Variants in ZC3H12A observed in about 807,000 individuals in gnomAD.
The protein encoded by ZC3H12A is zinc finger CCCH-type containing 12A.
In ZC3H12A, 9 loss-of-function variants were observed where a neutral mutation model predicts 29.9. That is an observed-to-expected ratio of 0.30 (90% confidence interval 0.18 to 0.53). The LOEUF (loss-of-function observed/expected upper bound fraction) is 0.53. Among genes scored for constraint, ZC3H12A ranks in the 20% least tolerant of loss-of-function variants. The probability of loss-of-function intolerance (pLI) is 0.96; values close to 1 mark genes in which losing one functional copy is unlikely to be tolerated. For missense variants in ZC3H12A, 617 were observed against 799.0 expected, an observed-to-expected ratio of 0.77 and a Z score of 2.75; for synonymous variants, 323 against 338.1, an observed-to-expected ratio of 0.96 and a Z score of 0.49.
chr1:37,481,468 CAG>C (rs2148045982), intron 3 of ZC3H12A, 131 bp from the exon 4 acceptor site: 4 of 794,678 alleles, frequency 5.0e-6, no homozygotes, highest in Non-Finnish European at 8.2e-6. Context: ...GAGGCCTCAG[CAG>C]AGTTAGTTCT....
chr1:37,483,242 G>A lies in ZC3H12A; in HGVS notation c.1431G>A (p.Glu477=), dbSNP rs1052824343. 1.2e-5 allele frequency: 19 copies of A among 1,613,778 alleles called. No individual in the cohort carries two copies. The highest frequency in any genetic ancestry group is 1.4e-5 in the Non-Finnish European group (17 of 1,179,988). The change falls in exon 6 of 6, where the codon GAG becomes GAA. Residue 477 remains glutamate, a synonymous_variant. Coordinates refer to ENST00000373087, the MANE Select transcript of ZC3H12A (RefSeq NM_025079.3). ...PYTGYSPYGS[E]LPATAAFSAF... is the part of the protein sequence containing the mutation. ...CGGGCTACAGTCCCTATGGATCTGAGCTCCCAGCCACCGCAGCCTTCTCTG... is the reference window on the plus strand; with the variant it reads ...CGGGCTACAGTCCCTATGGATCTGAACTCCCAGCCACCGCAGCCTTCTCTG...
rs1641567080 is a variant in ZC3H12A, at chr1:37,475,562, T to C, written c.66T>C (p.Phe22=). The C allele has an allele frequency of 8.1e-6, 13 of 1,613,744 alleles. No homozygotes were observed. Among genetic ancestry groups the C allele is most frequent in the Non-Finnish European group, 1.1e-5 (13 of 1,179,990 alleles). ...GCCCCACCATGAGTCTGTGGGAATTTGAGGACAGCCACAGCCGTCAGGGCA... is the reference window on the plus strand; with the variant it reads ...GCCCCACCATGAGTCTGTGGGAATTCGAGGACAGCCACAGCCGTCAGGGCA... ...EASPTMSLWE[F]EDSHSRQGTP... Residue 22 remains phenylalanine (F), a synonymous_variant, in exon 2 of 6, where the codon TTT becomes TTC. Transcript: ENST00000373087. This position sits in a 1 kb window ranked among gnomAD's most constrained non-coding sequence, Gnocchi z 5.2.
At chr1:37,481,364 C>A (rs1641698246) in intron 3 of ZC3H12A, among the ~76,000 whole-genome samples, 1 of 152,246 alleles carries the variant, frequency 6.6e-6, no homozygotes, top group African/African-American at 2.4e-5. Flanking sequence ...GTGCTTGGAG[C>A]CTCTGCCATG....
In ZC3H12A at chr1:37,475,445, TGTTG is replaced by T. The variant is rs1477984556; in HGVS notation, c.-38-9_-38-6del. ...GAGCGCTATTCACCGTCCCTAACCC[TGTTG>T]GTTGTTCAGTAGGAGCTGTGGCGCG... On this transcript the variant is annotated splice_polypyrimidine_tract_variant and intron_variant, in intron 1 of 5. Transcript: ENST00000373087. This position sits in a 1 kb window ranked among gnomAD's most constrained non-coding sequence, Gnocchi z 5.2. 4 of 1,545,496 alleles carry T rather than the reference TGTTG, an allele frequency of 2.6e-6. No homozygotes were observed. The African/African-American group carries it at 5.5e-5, about 21-fold the overall frequency.
chr1:37,483,171 C>T lies in ZC3H12A; in HGVS notation c.1360C>T (p.Arg454Ter). 1.2e-6 allele frequency: 2 copies of T among 1,613,438 alleles called. No individual in the cohort carries two copies. Among genetic ancestry groups the T allele is most frequent in the South Asian group, 1.1e-5 (1 of 91,082 alleles). The part of the protein sequence containing the change: ...ESQMSELWGV[R>*]GGGPGEPGPP... ...CCAGATGTCGGAACTTTGGGGGGTT[C>T]GAGGAGGAGGCCCTGGTGAGCCGGG... Residue 454 changes from arginine to a stop codon, truncating the protein, a stop_gained, in exon 6 of 6, where the codon CGA becomes TGA. Coordinates refer to ENST00000373087, the MANE Select transcript of ZC3H12A (RefSeq NM_025079.3). LOFTEE classifies it low-confidence loss of function (END_TRUNC).
intron 4 of ZC3H12A, 135 bp from the exon 5 acceptor site, chr1:37,482,299 G>T: frequency 4.1e-6 from 3 of 730,928 alleles, no homozygotes; most frequent in South Asian, 1.8e-5. Flanking sequence ...GCAGTTTTGC[G>T]GGGTCCTGGA....
chr1:37,475,440 A>T lies in ZC3H12A; in HGVS notation c.-38-19A>T. On this transcript the variant is annotated intron_variant, in intron 1 of 5. Coordinates refer to ENST00000373087, the MANE Select transcript of ZC3H12A (RefSeq NM_025079.3). The surrounding 1 kb of genome is among the most constrained non-coding windows in gnomAD (Gnocchi z 5.2). ...GGAGAGAGCGCTATTCACCGTCCCTAACCCTGTTGGTTGTTCAGTAGGAGC... is the reference window on the plus strand; with the variant it reads ...GGAGAGAGCGCTATTCACCGTCCCTTACCCTGTTGGTTGTTCAGTAGGAGC... 1 of 1,537,596 alleles carries T rather than the reference A, an allele frequency of 6.5e-7. No homozygotes were observed. Among genetic ancestry groups the T allele is most frequent in the Non-Finnish European group, 8.8e-7 (1 of 1,141,572 alleles).
Position 37,475,651 on chromosome 1 carries a change from T to C in ZC3H12A, c.155T>C (p.Val52Ala). The change falls in exon 2 of 6, where the codon GTG becomes GCG. Residue 52 changes from valine (V) to alanine (A), a missense_variant. Coordinates refer to ENST00000373087, the MANE Select transcript of ZC3H12A (RefSeq NM_025079.3). The surrounding 1 kb of genome is among the most constrained non-coding windows in gnomAD (Gnocchi z 5.2). ...EASALELQMK[V>A]DFFRKLGYSS... is the part of the protein sequence containing the mutation. Reference sequence around the variant, plus strand: ...TCGGCCCTGGAACTGCAGATGAAGGTGGACTTCTTCCGGAAGCTGGGCTAT... The same window carrying C: ...TCGGCCCTGGAACTGCAGATGAAGGCGGACTTCTTCCGGAAGCTGGGCTAT... 1 of 1,614,070 alleles carries C rather than the reference T, an allele frequency of 6.2e-7. No individual in the cohort carries two copies. The highest frequency in any genetic ancestry group is 8.5e-7 in the Non-Finnish European group (1 of 1,180,026).
chr1:37,481,821 C>T lies in ZC3H12A; in HGVS notation c.804C>T (p.Ser268=), dbSNP rs778809522. 8.2e-5 allele frequency: 132 copies of T among 1,613,822 alleles called. No individual in the cohort carries two copies. The highest frequency in any genetic ancestry group is 1.0e-4 in the Non-Finnish European group (123 of 1,179,926). ...TCGAGGAGCGGCTGCTCATGTACTC[C>T]TTCGTCAATGACAAGTATGTTCCCT... The part of the protein sequence containing the change: ...RFIEERLLMY[S]FVNDKFMPPD... The change falls in exon 4 of 6, where the codon TCC becomes TCT. Residue 268 remains serine, a synonymous_variant. Transcript: ENST00000373087.
chr1:37,483,645 C>T lies in ZC3H12A; in HGVS notation c.*34C>T, dbSNP rs774167500. 18 of 1,540,962 alleles carry T rather than the reference C, an allele frequency of 1.2e-5. No homozygotes were observed. The highest frequency in any genetic ancestry group is 2.0e-5 in the Admixed American group (1 of 51,090). On this transcript the variant is annotated 3_prime_UTR_variant, in exon 6 of 6. Coordinates refer to ENST00000373087, the MANE Select transcript of ZC3H12A (RefSeq NM_025079.3). Reference sequence around the variant, plus strand: ...TGGCTGGCAAGGGCAGCACCCCCAGCCTCCAAGGGCCGTCAGGCTGGGCTT... The same window carrying T: ...TGGCTGGCAAGGGCAGCACCCCCAGTCTCCAAGGGCCGTCAGGCTGGGCTT...
At position 37,481,689 on chromosome 1, in the gene ZC3H12A, T is replaced by C. The variant is rs1482784344; in HGVS notation, c.672T>C (p.Tyr224=). Residue 224 remains tyrosine, a synonymous_variant, in exon 4 of 6, where the codon TAT becomes TAC. Transcript: ENST00000373087. ...RRVGGKRVVC[Y]DDRFIVKLAY... ...TGGGTGGCAAGCGGGTGGTGTGCTA[T>C]GACGACAGATTCATTGTGAAGCTGG... 4 of 1,614,230 alleles carry C rather than the reference T, an allele frequency of 2.5e-6. No homozygotes were observed. The highest frequency in any genetic ancestry group is 1.3e-5 in the African/African-American group (1 of 75,064).
intron 4 of ZC3H12A, 109 bp downstream of exon 4, chr1:37,481,944 A>G: frequency 8.6e-7 from 1 of 1,160,020 alleles, no homozygotes. Context: ...CCCTGTGGCC[A>G]TGGGAGGTTG....
In ZC3H12A at chr1:37,474,592, C is replaced by T. The variant is rs1641538766; in HGVS notation, c.-76C>T. 6.6e-6 allele frequency: 1 copy of T among 152,040 alleles called. No homozygotes were observed. Among genetic ancestry groups the T allele is most frequent in the Non-Finnish European group, 1.5e-5 (1 of 68,024 alleles). 9.4% of individuals were successfully genotyped at this position (152,040 alleles called of 1,614,324 possible). A position where few individuals can be genotyped will look rare whatever the true frequency, so the allele number is the denominator to read the frequency against. On this transcript the variant is annotated 5_prime_UTR_variant, in exon 1 of 6. Transcript: ENST00000373087. The stretch of plus-strand genomic sequence containing the variant: ...CGTCCTTACCCCCAGGACTCGGCCC[C>T]ATGGAGACGCCGCCGGCCGCCGCTG...
chr1:37,483,709 C>G lies in ZC3H12A; in HGVS notation c.*98C>G. 7.2e-7 allele frequency: 1 copy of G among 1,395,090 alleles called. No individual in the cohort carries two copies. Among genetic ancestry groups the G allele is most frequent in the Non-Finnish European group, 9.5e-7 (1 of 1,053,472 alleles). The allele number at this position is 1,395,090 out of a possible 1,614,324, so 86.4% of individuals were successfully genotyped here. A position where few individuals can be genotyped will look rare whatever the true frequency, so the allele number is the denominator to read the frequency against. ...AGCCCATTCCCAGCCCTGAGGCCCACCCCAGAGGCTGGACAGAGGGAGGAT... is the reference window on the plus strand; with the variant it reads ...AGCCCATTCCCAGCCCTGAGGCCCAGCCCAGAGGCTGGACAGAGGGAGGAT... On this transcript the variant is annotated 3_prime_UTR_variant, in exon 6 of 6. Coordinates refer to ENST00000373087, the MANE Select transcript of ZC3H12A (RefSeq NM_025079.3).
chr1:37,477,864 G>A (rs1486352575), intron 2 of ZC3H12A, among the ~76,000 whole-genome samples: 2 of 152,190 alleles, frequency 1.3e-5, no homozygotes. Flanking sequence ...CCAGGAGGAG[G>A]GCTCTGATAG....
chr1:37,481,394 T>C (rs1444321242), intron 3 of ZC3H12A, among the ~76,000 whole-genome samples: 1 of 151,658 alleles, frequency 6.6e-6, no homozygotes, highest in African/African-American at 2.4e-5. Context: ...CCGCCTGTGT[T>C]CAGATGTTCT....
rs919607967 is a variant in ZC3H12A at position 37,476,371 on chromosome 1, G to A, written c.443+432G>A. On this transcript the variant is annotated intron_variant, in intron 2 of 5. Coordinates refer to ENST00000373087, the MANE Select transcript of ZC3H12A (RefSeq NM_025079.3). The surrounding 1 kb of genome is among the most constrained non-coding windows in gnomAD (Gnocchi z 6.0). ...GGAACCATAGTAGTGGTAGTAGGCA[G>A]TGGTAGTAGCAGTTGTTGTTGTTAT... Among the ~76,000 whole-genome samples the A allele has an allele frequency of 1.3e-5, 2 of 152,348 alleles. No individual in the cohort carries two copies. The highest frequency in any genetic ancestry group is 3.4e-3 in the Middle Eastern group (1 of 294).
At position 37,475,535 on chromosome 1, in the gene ZC3H12A, C is replaced by T. The variant is rs1220046731; in HGVS notation, c.39C>T (p.Ala13=). ...GPCGEKPVLE[A]SPTMSLWEFE... is the part of the protein sequence containing the mutation. ...GTGGAGAGAAGCCTGTCCTGGAAGC[C>T]AGCCCCACCATGAGTCTGTGGGAAT... is the stretch of plus-strand genomic sequence containing the variant. Residue 13 remains alanine (A), a synonymous_variant, in exon 2 of 6, where the codon GCC becomes GCT. Transcript: ENST00000373087. This position sits in a 1 kb window ranked among gnomAD's most constrained non-coding sequence, Gnocchi z 5.2. 1 of 1,612,690 alleles carries T rather than the reference C, an allele frequency of 6.2e-7. No individual in the cohort carries two copies. The highest frequency in any genetic ancestry group is 1.7e-5 in the Admixed American group (1 of 60,000).
chr1:37,484,277 G>GTT lies in ZC3H12A; in HGVS notation c.*667_*668insTT, dbSNP rs1641781734. 6.6e-6 allele frequency: 1 copy of GTT among 152,264 alleles called. No individual in the cohort carries two copies. The highest frequency in any genetic ancestry group is 6.5e-5 in the Admixed American group (1 of 15,280). The allele number at this position is 152,264 out of a possible 1,614,324, so 9.4% of individuals were successfully genotyped here. Reference sequence around the variant, plus strand: ...CCCTTCCCCATGGGTGGGGGAACCTGTGTTTGTTTGTGTGCACATGTAAAT... The same window carrying GTT: ...CCCTTCCCCATGGGTGGGGGAACCTGTTTGTTTGTTTGTGTGCACATGTAAAT... On this transcript the variant is annotated 3_prime_UTR_variant, in exon 6 of 6. Coordinates refer to ENST00000373087, the MANE Select transcript of ZC3H12A (RefSeq NM_025079.3).
Sources: gnomAD v4.1 joint callset for allele counts (sites outside exome capture counted in the v4.1 genomes callset) on GRCh38, gnomAD v4.1.1 for gene constraint, Gnocchi (gnomAD v3.1) non-coding constraint, MANE v1.5 for transcripts, NCBI Gene and HGNC (gene_info 2026-07-23, HGNC 2026-07-21) for gene names.